The following ADAMTSL1 variants were observed in gnomAD, a reference collection of about 807,000 sequenced individuals.
The protein encoded by ADAMTSL1 is ADAMTS like 1.
A neutral mutation model predicts 201.8 loss-of-function variants in ADAMTSL1; 126 were observed. That is an observed-to-expected ratio of 0.62 (90% confidence interval 0.54 to 0.72). ADAMTSL1 has a LOEUF of 0.72. ADAMTSL1 is among the 30% of genes least tolerant of loss of function. The probability of loss-of-function intolerance (pLI) is 0.00; values close to 1 mark genes in which losing one functional copy is unlikely to be tolerated. For synonymous variants in ADAMTSL1, 1,121 were observed against 903.4 expected (o/e 1.24, Z -4.32); for missense variants, 2,679 against 2,277.8 (o/e 1.18, Z -3.59).
At position 18,104,284 on chromosome 9, in the gene ADAMTSL1, C is replaced by T. The variant is rs543738815; in HGVS notation, c.88-59578C>T. Among the ~76,000 whole-genome samples the T allele has an allele frequency of 2.6e-5, 4 of 152,220 alleles. No individual in the cohort carries two copies. The East Asian group carries it at 7.7e-4, about 29-fold the overall frequency. ...AGTGTAGTCGCAATCCCGTTTTTCCCTCTCTAGTTACTGCATGCTTCCCTT... is the reference window on the plus strand; with the variant it reads ...AGTGTAGTCGCAATCCCGTTTTTCCTTCTCTAGTTACTGCATGCTTCCCTT... On this transcript the variant is annotated intron_variant, in intron 1 of 29. Coordinates refer to the ADAMTSL1 transcript ENST00000680146.
chr9:18,188,211 A>G (rs1828819032), intron 2 of ADAMTSL1, among the ~76,000 whole-genome samples: 1 of 152,178 alleles, frequency 6.6e-6, no homozygotes, highest in African/African-American at 2.4e-5. Context: ...ACATTCATGT[A>G]AAATCTGGAG....
intron 1 of ADAMTSL1, among the ~76,000 whole-genome samples, chr9:18,126,766 G>A (rs1056204127): frequency 6.6e-6 from 1 of 152,110 alleles, no homozygotes; most frequent in African/African-American, 2.4e-5. Flanking sequence ...TATCCAAACA[G>A]GTCTGTAGTT....
chr9:18,520,125 A>G (rs1156478748), intron 2 of ADAMTSL1, among the ~76,000 whole-genome samples: 1 of 152,230 alleles, frequency 6.6e-6, no homozygotes, highest in Non-Finnish European at 1.5e-5. Context: ...CAAACTCCAC[A>G]ATTCAGCCTA....
At chr9:18,886,213 C>T (rs7031919) in intron 23 of ADAMTSL1, among the ~76,000 whole-genome samples, 1,036 of 84,436 alleles carry the variant, frequency 0.012, 6 homozygotes, top group Non-Finnish European at 0.018. Flanking sequence ...TATATATATA[C>T]ACACACATAC....
At chr9:18,756,077 AT>A (rs1283286460) in intron 16 of ADAMTSL1, among the ~76,000 whole-genome samples, 21 of 1,022 alleles carry the variant, frequency 0.021, no homozygotes, top group East Asian at 0.038. Flanking sequence ...TCTACTGAAA[AT>A]ATATATATAT....
intron 5 of ADAMTSL1, among the ~76,000 whole-genome samples, chr9:18,635,246 G>A (rs1195085934): frequency 6.6e-6 from 1 of 151,978 alleles, no homozygotes; most frequent in Non-Finnish European, 1.5e-5. Flanking sequence ...ATGTAATATA[G>A]CTCTAATTTT....
At chr9:18,817,352 G>C (rs937353939) in intron 21 of ADAMTSL1, 115 bp downstream of exon 21, 4 of 1,062,282 alleles carry the variant, frequency 3.8e-6, no homozygotes, top group Non-Finnish European at 5.2e-6. Flanking sequence ...TAGTAGGAAA[G>C]CCAAAGCATG....
At chr9:18,226,123 A>T (rs1387791028) in intron 2 of ADAMTSL1, among the ~76,000 whole-genome samples, 1 of 152,190 alleles carries the variant, frequency 6.6e-6, no homozygotes, top group African/African-American at 2.4e-5. Context: ...AGGTCCAACT[A>T]GCAGCAGACA....
chr9:18,143,806 T>C (rs1220993186), intron 1 of ADAMTSL1, among the ~76,000 whole-genome samples: 1 of 152,192 alleles, frequency 6.6e-6, no homozygotes, highest in African/African-American at 2.4e-5. Flanking sequence ...TCATTATAGA[T>C]GTTAGAGGAA....
intron 1 of ADAMTSL1, among the ~76,000 whole-genome samples, chr9:17,951,914 C>T (rs747862035): frequency 2.2e-4 from 34 of 152,014 alleles, no homozygotes; most frequent in Non-Finnish European, 4.9e-4. Context: ...TGTTCTTCCA[C>T]CTTAGTCTCC....
chr9:18,444,485 A>G (rs1258162573), intron 2 of ADAMTSL1, among the ~76,000 whole-genome samples: 2 of 152,162 alleles, frequency 1.3e-5, no homozygotes, highest in Non-Finnish European at 2.9e-5. Flanking sequence ...AAAAATGGGT[A>G]TTACGTATAT....
chr9:18,614,647 C>G (rs999539076), intron 4 of ADAMTSL1, among the ~76,000 whole-genome samples: 2 of 152,152 alleles, frequency 1.3e-5, no homozygotes, highest in African/African-American at 2.4e-5. Context: ...CCTTTCTACT[C>G]TCACCTGTTC....
At chr9:18,665,261 G>A (rs1350384506) in intron 9 of ADAMTSL1, among the ~76,000 whole-genome samples, 2 of 151,968 alleles carry the variant, frequency 1.3e-5, no homozygotes, top group Non-Finnish European at 2.9e-5. Context: ...CACTTTTTGT[G>A]TTTACCAAAA....
At chr9:18,708,001 G>A (rs981719042) in intron 14 of ADAMTSL1, among the ~76,000 whole-genome samples, 9 of 152,222 alleles carry the variant, frequency 5.9e-5, no homozygotes, top group Non-Finnish European at 1.0e-4. Context: ...AATTTTAATA[G>A]ATGAGGGAGC....
At chr9:18,052,126 A>G (rs1821966367) in intron 1 of ADAMTSL1, among the ~76,000 whole-genome samples, 1 of 152,242 alleles carries the variant, frequency 6.6e-6, no homozygotes, top group Admixed American at 6.5e-5. Context: ...TCACCTTGTG[A>G]AAATCATTGT....
intron 2 of ADAMTSL1, among the ~76,000 whole-genome samples, chr9:18,438,177 G>A (rs1434382265): frequency 6.6e-6 from 1 of 151,434 alleles, no homozygotes; most frequent in Non-Finnish European, 1.5e-5. Context: ...AGCATTTACT[G>A]CACGTTTCTA....
At chr9:18,694,730 C>G (rs765143936) in intron 13 of ADAMTSL1, among the ~76,000 whole-genome samples, 33 of 152,136 alleles carry the variant, frequency 2.2e-4, no homozygotes, top group Non-Finnish European at 2.8e-4. Context: ...GTGGATCTAC[C>G]ATTCTGGGGT....
intron 2 of ADAMTSL1, among the ~76,000 whole-genome samples, chr9:18,325,802 G>A (rs534249575): frequency 5.3e-5 from 8 of 151,200 alleles, no homozygotes; most frequent in African/African-American, 1.9e-4. Context: ...ATGAAGTGAT[G>A]CAATCTCTGC....
intron 2 of ADAMTSL1, among the ~76,000 whole-genome samples, chr9:18,335,579 C>T (rs1333705616): frequency 6.6e-6 from 1 of 152,104 alleles, no homozygotes; most frequent in Non-Finnish European, 1.5e-5. Context: ...CTGGACCCCT[C>T]CTAGGTGCTT....
Sources: allele counts gnomAD v4.1 joint callset (sites outside exome capture counted in the v4.1 genomes callset), GRCh38; gene constraint gnomAD v4.1.1; transcripts MANE v1.5; gene names NCBI Gene and HGNC (gene_info 2026-07-23, HGNC 2026-07-21).